The following MTHFD2L variants were observed in gnomAD, a reference collection of about 807,000 sequenced individuals.
MTHFD2L encodes the protein methylenetetrahydrofolate dehydrogenase (NADP+ dependent) 2 like.
Under a neutral mutation model 34.9 loss-of-function variants are expected in MTHFD2L, and 29 were observed. The ratio of observed to expected loss-of-function variants is 0.83; its 90% CI spans 0.62 to 1.13. The LOEUF is 1.13. MTHFD2L is among the 50% of genes most tolerant of loss of function. The pLI is 0.00. For missense variants in MTHFD2L, 481 were observed against 446.5 expected (o/e 1.08, Z -0.70); for synonymous variants, 167 against 155.7 (o/e 1.07, Z -0.54).
chr4:74,276,307 A>G (rs890821246), intron 6 of MTHFD2L, among the ~76,000 whole-genome samples: 9 of 152,130 alleles, frequency 5.9e-5, no homozygotes, highest in African/African-American at 1.9e-4. Context: ...TAAGAAAGTT[A>G]TGTAGATGAG....
At chr4:74,255,937 A>T (rs1304950254) in intron 6 of MTHFD2L, among the ~76,000 whole-genome samples, 1 of 152,188 alleles carries the variant, frequency 6.6e-6, no homozygotes, top group African/African-American at 2.4e-5. Context: ...GTCTGCTACT[A>T]TAAAGAGTGC....
chr4:74,205,257 G>A (rs1014169440), intron 5 of MTHFD2L, among the ~76,000 whole-genome samples: 1 of 152,104 alleles, frequency 6.6e-6, no homozygotes, highest in African/African-American at 2.4e-5. Flanking sequence ...TTTCAAACAT[G>A]CGTGTCTGTT....
chr4:74,298,741 C>A (rs976950056), intron 7 of MTHFD2L, among the ~76,000 whole-genome samples: 2 of 149,992 alleles, frequency 1.3e-5, no homozygotes, highest in African/African-American at 4.8e-5. Context: ...CTCTTCATTT[C>A]TTTTTTCCAG....
At chr4:74,139,324 G>A (rs1723142848) in intron 1 of MTHFD2L, among the ~76,000 whole-genome samples, 1 of 152,120 alleles carries the variant, frequency 6.6e-6, no homozygotes, top group South Asian at 2.1e-4. Flanking sequence ...CTTACAGCAT[G>A]GTGCTGATGA....
Position 74,158,191 on chromosome 4 carries a change from C to T in MTHFD2L, c.53C>T (p.Ala18Val). 1.3e-6 allele frequency: 2 copies of T among 1,525,704 alleles called. No homozygotes were observed. The highest frequency in any genetic ancestry group is 1.8e-4 in the Middle Eastern group (1 of 5,512). 94.5% of individuals were successfully genotyped at this position (1,525,704 alleles called of 1,614,324 possible). Residue 18 changes from alanine (A) to valine (V), a missense_variant, in exon 1 of 8, where the codon GCG (alanine) becomes GTG (valine). Ala to Val is a moderately conservative substitution (Grantham distance 64). Transcript: ENST00000325278. ...FSLLRGRLGR[A>V]PALGRSTAPS... Reference sequence around the variant, plus strand: ...CTGCTCCGCGGCCGCCTTGGCCGAGCGCCGGCGTTGGGCAGAAGCACAGCA... The same window carrying T: ...CTGCTCCGCGGCCGCCTTGGCCGAGTGCCGGCGTTGGGCAGAAGCACAGCA...
Position 74,130,629 on chromosome 4 carries a change from C to T in MTHFD2L, c.-297+5112C>T, listed in dbSNP as rs536385742. Among the ~76,000 whole-genome samples the T allele has an allele frequency of 2.8e-3, 421 of 152,280 alleles. 2 individuals carry two copies. The highest frequency in any genetic ancestry group is 4.2e-3 in the Non-Finnish European group (284 of 68,022). On this transcript the variant is annotated intron_variant, in intron 1 of 7. Transcript: ENST00000433372. ...TTTATGACAAACCCACAGCCAATAT[C>T]ATACTGATTGGGCAAAAGCTGGAAG...
chr4:74,299,909 G>A (rs954665432), intron 7 of MTHFD2L, among the ~76,000 whole-genome samples: 1 of 151,998 alleles, frequency 6.6e-6, no homozygotes, highest in African/African-American at 2.4e-5. Context: ...AACACTGGAG[G>A]AATGAGTTTT....
intron 6 of MTHFD2L, among the ~76,000 whole-genome samples, chr4:74,275,633 C>G (rs1746516520): frequency 1.3e-5 from 2 of 151,992 alleles, no homozygotes; most frequent in South Asian, 4.1e-4. Context: ...TAGTAATTGC[C>G]TTTCTGCCTG....
chr4:74,285,247 G>A (rs1189007020), intron 7 of MTHFD2L, among the ~76,000 whole-genome samples: 3 of 151,768 alleles, frequency 2.0e-5, no homozygotes, highest in South Asian at 2.1e-4. Context: ...TGTAAATGAC[G>A]AGTTAATGGG....
At chr4:74,152,486 A>T (rs1224136577) in intron 1 of MTHFD2L, among the ~76,000 whole-genome samples, 1 of 152,206 alleles carries the variant, frequency 6.6e-6, no homozygotes, top group Non-Finnish European at 1.5e-5. Flanking sequence ...GAGCTCATGG[A>T]AAATTTTCTT....
At chr4:74,176,676 T>C (rs1231685928) in intron 3 of MTHFD2L, among the ~76,000 whole-genome samples, 2 of 152,044 alleles carry the variant, frequency 1.3e-5, no homozygotes, top group Non-Finnish European at 1.5e-5. Context: ...CTAGCAGCTC[T>C]TGTATAATTA....
intron 7 of MTHFD2L, chr4:74,293,394 A>C: frequency 3.4e-6 from 1 of 294,400 alleles, no homozygotes; most frequent in Non-Finnish European, 5.0e-6. Context: ...GTAAAGGAAA[A>C]TAAAACTTAG....
intron 1 of MTHFD2L, among the ~76,000 whole-genome samples, chr4:74,173,382 A>G (rs1728397527): frequency 6.6e-6 from 1 of 152,128 alleles, no homozygotes; most frequent in African/African-American, 2.4e-5. Flanking sequence ...CCAGGAAGTA[A>G]TCTTCTGTGG....
intron 3 of MTHFD2L, chr4:74,195,831 G>C: frequency 6.5e-6 from 1 of 154,374 alleles, no homozygotes; most frequent in South Asian, 1.8e-4. Context: ...GAGTCTTCCA[G>C]GTCACAGGTA....
intron 5 of MTHFD2L, among the ~76,000 whole-genome samples, chr4:74,204,858 A>T (rs1006757200): frequency 2.6e-5 from 4 of 152,176 alleles, no homozygotes; most frequent in Non-Finnish European, 4.4e-5. Context: ...GAGAAAGATA[A>T]ACACAAATTG....
chr4:74,243,820 C>T (rs1008727059), intron 6 of MTHFD2L, among the ~76,000 whole-genome samples: 98 of 152,226 alleles, frequency 6.4e-4, no homozygotes, highest in Non-Finnish European at 2.1e-4. Context: ...CTCAAAGCAC[C>T]GGTTCTTTCT....
intron 7 of MTHFD2L, among the ~76,000 whole-genome samples, chr4:74,287,512 C>T (rs1021848080): frequency 1.3e-5 from 2 of 152,026 alleles, no homozygotes; most frequent in Non-Finnish European, 2.9e-5. Flanking sequence ...GTTGGGAGAC[C>T]GAGGAGTGTG....
intron 1 of MTHFD2L, among the ~76,000 whole-genome samples, chr4:74,147,442 T>C (rs1395947742): frequency 1.3e-5 from 2 of 152,192 alleles, no homozygotes; most frequent in Non-Finnish European, 2.9e-5. Context: ...AGCTTGGTGG[T>C]GCTGAACAGC....
upstream of MTHFD2L, among the ~76,000 whole-genome samples, chr4:74,123,967 T>G (rs1721899136): frequency 2.6e-5 from 4 of 152,252 alleles, no homozygotes; most frequent in South Asian, 8.3e-4. Flanking sequence ...TGTAGACATT[T>G]AGTTGCTAAA....
Sources: allele counts gnomAD v4.1 joint callset (sites outside exome capture counted in the v4.1 genomes callset), GRCh38; gene constraint gnomAD v4.1.1; transcripts MANE v1.5; gene names NCBI Gene and HGNC (gene_info 2026-07-23, HGNC 2026-07-21).